Variants in EPHA6 observed in about 807,000 individuals in gnomAD.
The protein encoded by EPHA6 is ephrin type-A receptor 6.
EPHA6 carries 50 observed loss-of-function variants against 112.0 expected under a neutral mutation model. The observed-to-expected ratio is 0.45, with a 90% CI of 0.36 to 0.56. EPHA6 has a LOEUF of 0.56. Ranked by LOEUF, EPHA6 falls within the 20% of genes least tolerant of loss-of-function variation. The pLI is 0.00. For missense variants in EPHA6, 1,280 were observed against 1,417.4 expected, an observed-to-expected ratio of 0.90 and a Z score of 1.56; for synonymous variants, 529 against 490.7, an observed-to-expected ratio of 1.08 and a Z score of -1.03.
chr3:97,391,586 G>A (rs78458571), intron 5 of EPHA6, among the ~76,000 whole-genome samples: 18,308 of 151,722 alleles, frequency 0.12, 3,526 homozygotes, highest in African/African-American at 0.4. Flanking sequence ...AGAAAAGTGC[G>A]GTACAATATA....
chr3:97,744,220 A>G (rs546455760), intron 16 of EPHA6, among the ~76,000 whole-genome samples: 22 of 152,112 alleles, frequency 1.4e-4, no homozygotes, highest in African/African-American at 4.8e-4. Flanking sequence ...AGTATTTTTT[A>G]AAATGTGAGC....
chr3:97,291,356 A>G (rs2080677103), intron 5 of EPHA6, among the ~76,000 whole-genome samples: 1 of 152,126 alleles, frequency 6.6e-6, no homozygotes, highest in African/African-American at 2.4e-5. Flanking sequence ...GCTGTTAGAA[A>G]ATGGTACTGT....
At chr3:97,389,460 A>G (rs1420844182) in intron 5 of EPHA6, among the ~76,000 whole-genome samples, 1 of 152,116 alleles carries the variant, frequency 6.6e-6, no homozygotes, top group Non-Finnish European at 1.5e-5. Flanking sequence ...TATAATATTT[A>G]TTTTTTGAAA....
chr3:97,560,711 C>T (rs2093177249), intron 11 of EPHA6: 1 of 151,986 alleles, frequency 6.6e-6, no homozygotes, highest in Non-Finnish European at 1.5e-5. Context: ...AGGCCTTGTC[C>T]TTCTATGGAC....
chr3:96,902,825 T>C (rs1236843492), intron 2 of EPHA6, among the ~76,000 whole-genome samples: 3 of 152,172 alleles, frequency 2.0e-5, no homozygotes, highest in Non-Finnish European at 2.9e-5. Context: ...TCTGCAGAAT[T>C]CCAGCTACAA....
At chr3:97,141,993 C>T (rs2075918596) in intron 3 of EPHA6, among the ~76,000 whole-genome samples, 1 of 151,932 alleles carries the variant, frequency 6.6e-6, no homozygotes, top group Non-Finnish European at 1.5e-5. Context: ...ATTTTTGCAT[C>T]ACTCTAATAT....
chr3:96,918,559 C>A (rs2039599484), intron 2 of EPHA6, among the ~76,000 whole-genome samples: 1 of 151,952 alleles, frequency 6.6e-6, no homozygotes, highest in African/African-American at 2.4e-5. Flanking sequence ...AAATACAGTG[C>A]AATTTTATAC....
intron 14 of EPHA6, among the ~76,000 whole-genome samples, chr3:97,666,084 A>G (rs113177593): frequency 5.9e-5 from 9 of 151,712 alleles, no homozygotes; most frequent in South Asian, 2.1e-4. Context: ...AATACACATG[A>G]ATGCCTTGAA....
intron 6 of EPHA6, among the ~76,000 whole-genome samples, chr3:97,421,012 T>G (rs2088578981): frequency 6.6e-6 from 1 of 152,130 alleles, no homozygotes. Context: ...CCATCTATTC[T>G]TGGGTATTAT....
intron 7 of EPHA6, among the ~76,000 whole-genome samples, chr3:97,472,897 C>T (rs1042657959): frequency 6.6e-6 from 1 of 151,580 alleles, no homozygotes; most frequent in Non-Finnish European, 1.5e-5. Flanking sequence ...GCTTGGAGAT[C>T]GGCAAAAAGA....
intron 5 of EPHA6, among the ~76,000 whole-genome samples, chr3:97,325,021 T>C (rs1390793294): frequency 1.3e-5 from 2 of 152,068 alleles, no homozygotes; most frequent in African/African-American, 4.8e-5. Flanking sequence ...TTAATCATGG[T>C]TCCACACTAC....
Position 97,747,434 on chromosome 3 carries a change from C to G in EPHA6, c.3140C>G (p.Ser1047Cys). Residue 1047 changes from serine (S) to cysteine (C), a missense_variant, in exon 17 of 18, where the codon TCC (serine) becomes TGC (cysteine). By Grantham distance (112) the Ser-to-Cys change is moderately radical (BLOSUM62 -1). Coordinates refer to ENST00000389672, the MANE Select transcript of EPHA6 (RefSeq NM_001080448.3). ...TTGTTTTCTTACAGAATGCCAGAGT[C>G]CCCTGGTGAAGTTCCGGAATATCCT... The part of the protein sequence containing the change: ...LVEDILVMPE[S>C]PGEVPEYPLF... 1.3e-6 allele frequency: 2 copies of G among 1,558,834 alleles called. No individual in the cohort carries two copies. The highest frequency in any genetic ancestry group is 1.4e-5 in the African/African-American group (1 of 73,052).
At chr3:97,737,783 A>C (rs1386033128) in intron 16 of EPHA6, among the ~76,000 whole-genome samples, 2 of 152,118 alleles carry the variant, frequency 1.3e-5, no homozygotes, top group Non-Finnish European at 2.9e-5. Context: ...AACTGTAGTT[A>C]AGATAGCCCA....
chr3:97,231,598 A>ATGTAGACAATTGGAGGGATGTAGACAAT (rs1216411381), intron 4 of EPHA6, among the ~76,000 whole-genome samples: 1 of 152,190 alleles, frequency 6.6e-6, no homozygotes, highest in Non-Finnish European at 1.5e-5. Flanking sequence ...GAAATGGGGC[A>ATGTAGACAATTGGAGGGATGTAGACAAT]TGTAGACAAT....
At chr3:97,022,601 T>C (rs2044500077) in intron 3 of EPHA6, among the ~76,000 whole-genome samples, 1 of 152,152 alleles carries the variant, frequency 6.6e-6, no homozygotes, top group South Asian at 2.1e-4. Flanking sequence ...GTAAATATCT[T>C]CTTACTTGAC....
chr3:96,994,241 T>G (rs1188184094), intron 3 of EPHA6: 4 of 390,610 alleles, frequency 1.0e-5, no homozygotes, highest in Non-Finnish European at 2.1e-5. Flanking sequence ...TTATACATAG[T>G]AAGCAGTATT....
chr3:97,611,731 G>A (rs2093722129), intron 13 of EPHA6, among the ~76,000 whole-genome samples: 1 of 151,768 alleles, frequency 6.6e-6, no homozygotes, highest in African/African-American at 2.4e-5. Context: ...CAAAATGGCT[G>A]GACTTTGCCA....
At position 97,756,413 on chromosome 3, in the gene EPHA6, A is replaced by C. The variant is rs1009561581; in HGVS notation, c.*7712A>C. Among the ~76,000 whole-genome samples, 6 of 151,998 alleles carry C rather than the reference A, an allele frequency of 3.9e-5. No homozygotes were observed. The highest frequency in any genetic ancestry group is 1.4e-4 in the African/African-American group (6 of 41,458). On this transcript the variant is annotated 3_prime_UTR_variant, in exon 18 of 18. Transcript: ENST00000389672. ...ATTATCAAGAGCTATTACTGCAATAACCTCAAAGTATCTTTAAGACAATGC... is the reference window on the plus strand; with the variant it reads ...ATTATCAAGAGCTATTACTGCAATACCCTCAAAGTATCTTTAAGACAATGC...
chr3:97,678,471 G>T, intron 14 of EPHA6, among the ~76,000 whole-genome samples: 1 of 152,120 alleles, frequency 6.6e-6, no homozygotes, highest in East Asian at 1.9e-4. Flanking sequence ...ACAGAGCAGG[G>T]ATAAAGGGCC....
Sources: gnomAD v4.1 joint callset for allele counts (sites outside exome capture counted in the v4.1 genomes callset) on GRCh38, gnomAD v4.1.1 for gene constraint, MANE v1.5 for transcripts, NCBI Gene and HGNC (gene_info 2026-07-23, HGNC 2026-07-21) for gene names.